Variants in HSD17B4 observed in about 807,000 individuals in gnomAD.
HSD17B4 encodes the protein hydroxysteroid 17-beta dehydrogenase 4, also known as peroxisomal multifunctional enzyme type 2.
HSD17B4 carries 70 observed loss-of-function variants against 101.0 expected under a neutral mutation model. That is an observed-to-expected ratio of 0.69 (90% CI 0.57 to 0.85). HSD17B4 has a LOEUF of 0.85. Ranked by LOEUF, HSD17B4 falls within the 40% of genes least tolerant of loss-of-function variation. The pLI is 0.00. For missense variants in HSD17B4, 984 were observed against 892.4 expected (o/e 1.10, Z -1.31); for synonymous variants, 347 against 297.1 (o/e 1.17, Z -1.73).
At chr5:119,489,338 T>G (rs987756922) in intron 9 of HSD17B4, 55 bp downstream of exon 9, 4 of 1,106,096 alleles carry the variant, frequency 3.6e-6, no homozygotes, top group Non-Finnish European at 5.6e-6. Flanking sequence ...CTTACATTTG[T>G]AAAAATCTGT....
At chr5:119,516,494 A>C (rs1752623556) in intron 17 of HSD17B4, among the ~76,000 whole-genome samples, 1 of 151,798 alleles carries the variant, frequency 6.6e-6, no homozygotes, top group South Asian at 2.1e-4. Context: ...GTTTTAAGGT[A>C]GGTTTTAATA....
At chr5:119,469,282 T>C (rs1249216894) in intron 2 of HSD17B4, among the ~76,000 whole-genome samples, 2 of 151,952 alleles carry the variant, frequency 1.3e-5, no homozygotes, top group Admixed American at 1.3e-4. Context: ...GTGTTGTGTT[T>C]CCCTGTTTTT....
In HSD17B4 at chr5:119,529,917, C is replaced by T. The variant is rs2560722; in HGVS notation, c.1791C>T (p.Val597=). ...QTKVQETGDI[V]ISNAYVDLAP... The stretch of plus-strand genomic sequence containing the variant: ...AGGTCCAAGAAACTGGAGACATTGT[C>T]ATTTCAAATGCATATGTGGATCTTG... Residue 597 remains valine, a synonymous_variant, in exon 21 of 24, where the codon GTC becomes GTT. Coordinates refer to ENST00000510025, the MANE Select transcript of HSD17B4 (RefSeq NM_000414.4). 3.9e-3 allele frequency: 6,250 copies of T among 1,605,800 alleles called. 194 individuals are homozygous for T. In the African/African-American group the frequency reaches 0.073, roughly 19 times the overall value.
At chr5:119,482,196 A>G (rs1489884485) in intron 8 of HSD17B4, among the ~76,000 whole-genome samples, 1 of 151,690 alleles carries the variant, frequency 6.6e-6, no homozygotes. Flanking sequence ...CATTTTTCTC[A>G]TTCTTTTTTT....
At chr5:119,529,292 C>T (rs567119416) in intron 20 of HSD17B4, among the ~76,000 whole-genome samples, 2 of 152,220 alleles carry the variant, frequency 1.3e-5, no homozygotes, top group South Asian at 4.1e-4. Context: ...AATTTGAATT[C>T]CTTTAATGAC....
chr5:119,487,238 C>CTCTTTTTTT (rs1402385856), intron 8 of HSD17B4: 1 of 104,376 alleles, frequency 9.6e-6, no homozygotes, highest in Non-Finnish European at 2.2e-5. Context: ...GGACTCTTTT[C>CTCTTTTTTT]TATTTTTTTT....
Position 119,541,948 on chromosome 5 carries a change from T to C in HSD17B4, c.2165T>C (p.Leu722Pro). The C allele has an allele frequency of 6.2e-7, 1 of 1,613,398 alleles. No homozygotes were observed. Among genetic ancestry groups the C allele is most frequent in the Non-Finnish European group, 8.5e-7 (1 of 1,179,578 alleles). ...CTGAAGGCCAGAGGGAACATCATGC[T>C]GAGCCAGAAACTTCAGATGATTCTT... ...GRLKARGNIM[L>P]SQKLQMILKD... The change falls in exon 24 of 24, where the codon CTG becomes CCG. Residue 722 changes from leucine to proline, a missense_variant. Physicochemically the swap from Leu to Pro is moderately conservative, Grantham distance 98. Coordinates refer to ENST00000510025, the MANE Select transcript of HSD17B4 (RefSeq NM_000414.4).
Position 119,525,369 on chromosome 5 carries a change from A to C in HSD17B4, c.1573+84A>C. On this transcript the variant is annotated intron_variant, in intron 18 of 23. Transcript: ENST00000510025. ...TAATGTAAAGACACTACTACTTATG[A>C]CTGGTAGTTTGAGTAGCATTTAAAA... The C allele has an allele frequency of 4.7e-6, 4 of 848,968 alleles. No individual in the cohort carries two copies. The Admixed American group carries it at 7.0e-5, about 15-fold the overall frequency. 52.6% of individuals were successfully genotyped at this position (848,968 alleles called of 1,614,324 possible).
At chr5:119,495,304 T>C (rs1750529509) in intron 11 of HSD17B4, among the ~76,000 whole-genome samples, 1 of 152,240 alleles carries the variant, frequency 6.6e-6, no homozygotes, top group Admixed American at 6.5e-5. Context: ...GTTAAACTTA[T>C]TAAAAAGCTA....
intron 13 of HSD17B4, among the ~76,000 whole-genome samples, chr5:119,500,695 A>T (rs1751077939): frequency 6.6e-6 from 1 of 152,082 alleles, no homozygotes; most frequent in Admixed American, 6.6e-5. Context: ...AGAGGCCCTG[A>T]AATGTTGAGA....
chr5:119,509,307 G>A lies in HSD17B4; in HGVS notation c.1437+63G>A. On this transcript the variant is annotated intron_variant, in intron 16 of 23. Transcript: ENST00000510025. ...TAAGGATTCTTACCTATACAATTGA[G>A]ACTTGAACAGCATGAGTTTGAACTG... 5.0e-6 allele frequency: 5 copies of A among 1,000,364 alleles called. No homozygotes were observed. In the South Asian group the frequency reaches 6.4e-5, roughly 13 times the overall value. 62.0% of individuals were successfully genotyped at this position (1,000,364 alleles called of 1,614,324 possible).
At chr5:119,494,190 G>T (rs1215532153) in intron 11 of HSD17B4, among the ~76,000 whole-genome samples, 9 of 152,104 alleles carry the variant, frequency 5.9e-5, no homozygotes, top group African/African-American at 1.9e-4. Context: ...TTGGGGGATG[G>T]ATGGCATAAG....
At chr5:119,516,571 C>A (rs778733276) in intron 17 of HSD17B4, among the ~76,000 whole-genome samples, 1 of 152,024 alleles carries the variant, frequency 6.6e-6, no homozygotes, top group African/African-American at 2.4e-5. Flanking sequence ...GGGCACTCAT[C>A]ATTTGGCAGA....
chr5:119,459,073 C>T (rs1271226673), intron 2 of HSD17B4, among the ~76,000 whole-genome samples: 2 of 152,176 alleles, frequency 1.3e-5, no homozygotes, highest in Non-Finnish European at 2.9e-5. Context: ...ATGACTTTTC[C>T]GTGCTACAGT....
chr5:119,467,798 C>T (rs1314648554), intron 2 of HSD17B4, among the ~76,000 whole-genome samples: 4 of 152,144 alleles, frequency 2.6e-5, no homozygotes, highest in East Asian at 1.9e-4. Context: ...TTTTGATGCA[C>T]GTGGAGTGTC....
At chr5:119,475,925 A>G in intron 6 of HSD17B4, 55 bp downstream of exon 6, 1 of 1,296,992 alleles carries the variant, frequency 7.7e-7, no homozygotes, top group South Asian at 1.2e-5. Flanking sequence ...TAGCCTTTTT[A>G]GTATTTGATA....
chr5:119,455,234 G>A (rs1027854487), intron 1 of HSD17B4, among the ~76,000 whole-genome samples: 30 of 152,086 alleles, frequency 2.0e-4, no homozygotes, highest in African/African-American at 6.5e-4. Flanking sequence ...CTTCTCTCTT[G>A]GCTGGGGATG....
At chr5:119,525,038 T>TA (rs535588763) in intron 17 of HSD17B4, among the ~76,000 whole-genome samples, 178 bp from the exon 18 acceptor site, 2 of 152,104 alleles carry the variant, frequency 1.3e-5, no homozygotes, top group Admixed American at 6.6e-5. Flanking sequence ...TGGCAAGTGT[T>TA]AAAAAAACAT....
At chr5:119,472,277 A>AT (rs1377576153) in intron 2 of HSD17B4, among the ~76,000 whole-genome samples, 1 of 152,194 alleles carries the variant, frequency 6.6e-6, no homozygotes, top group Non-Finnish European at 1.5e-5. Flanking sequence ...TGGAGAAGAT[A>AT]TTTCAACATT....
Sources: allele counts gnomAD v4.1 joint callset (sites outside exome capture counted in the v4.1 genomes callset), GRCh38; gene constraint gnomAD v4.1.1; transcripts MANE v1.5; gene names NCBI Gene and HGNC (gene_info 2026-07-23, HGNC 2026-07-21).